PDE1C: variants seen among roughly 807,000 people sequenced by gnomAD.
The protein encoded by PDE1C is phosphodiesterase 1C, also known as dual specificity calcium/calmodulin-dependent 3',5'-cyclic nucleotide phosphodiesterase 1C.
A neutral mutation model predicts 93.1 loss-of-function variants in PDE1C; 62 were observed. The ratio of observed to expected loss-of-function variants is 0.67; its 90% CI spans 0.54 to 0.82. The LOEUF (loss-of-function observed/expected upper bound fraction) is 0.82. Ranked by LOEUF, PDE1C falls within the 40% of genes least tolerant of loss-of-function variation. PDE1C has a pLI of 0.00. For synonymous variants in PDE1C, 325 were observed against 310.1 expected (o/e 1.05, Z -0.50); for missense variants, 742 against 884.6 (o/e 0.84, Z 2.04).
chr7:32,359,499 T>C (rs1427334011), intron 1 of PDE1C, among the ~76,000 whole-genome samples: 2 of 152,218 alleles, frequency 1.3e-5, no homozygotes, highest in East Asian at 3.8e-4. Context: ...TTTGCCTGCC[T>C]TGTTGCCTCT....
At chr7:31,632,363 G>A in the PDE1C span, among the ~76,000 whole-genome samples, 1 of 152,076 alleles carries the variant, frequency 6.6e-6, no homozygotes, top group African/African-American at 2.4e-5. Flanking sequence ...CAGGAGAATC[G>A]CTTGAACCCG....
At chr7:32,394,820 AT>A (rs1477368260) in intron 1 of PDE1C, among the ~76,000 whole-genome samples, 1 of 152,142 alleles carries the variant, frequency 6.6e-6, no homozygotes, top group Non-Finnish European at 1.5e-5. Context: ...TCTGAAAAAA[AT>A]ATCTAAATAA....
chr7:31,974,694 C>T (rs1361288034), intron 2 of PDE1C, among the ~76,000 whole-genome samples: 1 of 152,130 alleles, frequency 6.6e-6, no homozygotes, highest in Non-Finnish European at 1.5e-5. Context: ...TCACCTCACT[C>T]CTAGGGTTCT....
chr7:32,391,961 A>G (rs1784758613), intron 1 of PDE1C, among the ~76,000 whole-genome samples: 1 of 152,020 alleles, frequency 6.6e-6, no homozygotes, highest in African/African-American at 2.4e-5. Context: ...AGCAGGAGGA[A>G]GGAAATAATG....
intron 2 of PDE1C, among the ~76,000 whole-genome samples, chr7:32,034,054 CTG>C (rs5883321): frequency 0.28 from 41,101 of 148,266 alleles, 6,301 homozygotes; most frequent in South Asian, 0.45. Context: ...AGATGAGAGA[CTG>C]TGTGTGTGTG....
At chr7:32,248,994 A>T (rs1463555768) in intron 1 of PDE1C, among the ~76,000 whole-genome samples, 1 of 152,048 alleles carries the variant, frequency 6.6e-6, no homozygotes, top group Non-Finnish European at 1.5e-5. Flanking sequence ...TAGAAGAGGG[A>T]CTAGACATAT....
At chr7:32,210,159 T>C (rs1291107491) in intron 1 of PDE1C, among the ~76,000 whole-genome samples, 1 of 152,242 alleles carries the variant, frequency 6.6e-6, no homozygotes, top group South Asian at 2.1e-4. Flanking sequence ...CCATATAACT[T>C]ATCATTGGAT....
rs73306649 is a variant in PDE1C, at chr7:32,255,146, C to T, written c.85+43505G>A. 9.7e-3 allele frequency among the ~76,000 whole-genome samples: 1,482 copies of T among 152,236 alleles called. 29 individuals are homozygous for T. The highest frequency in any genetic ancestry group is 0.034 in the African/African-American group (1,423 of 41,532). On this transcript the variant is annotated intron_variant, in intron 1 of 18. Transcript: ENST00000396193. ...CCCAGAGGCTAGTAAGGGCCCAGCGCGTGAACCCAGGGTGGCTGACGTCAC... is the reference window on the plus strand; with the variant it reads ...CCCAGAGGCTAGTAAGGGCCCAGCGTGTGAACCCAGGGTGGCTGACGTCAC...
the PDE1C span, chr7:31,692,337 A>C: frequency 9.8e-5 from 90 of 922,538 alleles, no homozygotes; most frequent in Non-Finnish European, 1.5e-4. Context: ...AAATATATTT[A>C]CTTAGCAAAT....
intron 3 of PDE1C, among the ~76,000 whole-genome samples, chr7:32,094,815 C>T (rs1047024748): frequency 6.6e-6 from 1 of 152,162 alleles, no homozygotes; most frequent in Non-Finnish European, 1.5e-5. Context: ...CCTTGACCCC[C>T]ACCTTCTCTC....
chr7:32,120,741 G>A (rs1799254506), intron 3 of PDE1C, among the ~76,000 whole-genome samples: 2 of 152,128 alleles, frequency 1.3e-5, no homozygotes, highest in African/African-American at 4.8e-5. Flanking sequence ...CTCAAGGATT[G>A]AAACTAAACA....
chr7:32,421,604 T>G (rs1299683408), intron 1 of PDE1C, among the ~76,000 whole-genome samples: 1 of 152,204 alleles, frequency 6.6e-6, no homozygotes, highest in Non-Finnish European at 1.5e-5. Context: ...TTCCAGAGCC[T>G]CCTTCTCTGA....
rs1413172773 is a variant in PDE1C, at chr7:31,873,408, C to T, written c.493G>A (p.Asp165Asn). 1.3e-6 allele frequency: 2 copies of T among 1,587,214 alleles called. No homozygotes were observed. Among genetic ancestry groups the T allele is most frequent in the South Asian group, 1.1e-5 (1 of 90,472 alleles). ...YPPAVIEALK[D>N]VDKWSFDVFS... ...ACGTCAAAGGACCACTTGTCCACAT[C>T]CTGCAGGACAGGGTGGGGAGAAAGA... is the stretch of plus-strand genomic sequence containing the variant. The change falls in exon 6 of 18, where the codon GAT becomes AAT. Residue 165 changes from aspartate to asparagine, a missense_variant and splice_region_variant. By Grantham distance (23) the Asp-to-Asn change is conservative. Coordinates refer to ENST00000396191, the MANE Select transcript of PDE1C (RefSeq NM_001191057.4).
At chr7:31,988,044 G>C (rs1364094982) in intron 2 of PDE1C, among the ~76,000 whole-genome samples, 1 of 152,204 alleles carries the variant, frequency 6.6e-6, no homozygotes, top group African/African-American at 2.4e-5. Context: ...GGTAGATGAG[G>C]CACTTGTGGA....
chr7:31,870,157 A>C (rs577570132), intron 6 of PDE1C, among the ~76,000 whole-genome samples: 1 of 152,136 alleles, frequency 6.6e-6, no homozygotes, highest in South Asian at 2.1e-4. Flanking sequence ...AAAGTAGAAA[A>C]ATTCCAAATA....
At chr7:32,141,344 T>C (rs1159032878) in intron 3 of PDE1C, among the ~76,000 whole-genome samples, 1 of 151,960 alleles carries the variant, frequency 6.6e-6, no homozygotes, top group Non-Finnish European at 1.5e-5. Context: ...TCCCCATTTC[T>C]AAAAAAAGAA....
chr7:31,762,553 T>C (rs1420915852), intron 17 of PDE1C, among the ~76,000 whole-genome samples: 1 of 152,026 alleles, frequency 6.6e-6, no homozygotes, highest in Admixed American at 6.6e-5. Context: ...GTGGCCAGAG[T>C]GGTCTCGAAC....
chr7:32,257,374 T>C (rs2128878745), intron 1 of PDE1C, among the ~76,000 whole-genome samples: 2 of 152,272 alleles, frequency 1.3e-5, no homozygotes, highest in Middle Eastern at 3.4e-3. Flanking sequence ...GAAGACTAAC[T>C]GATGTTTAAA....
chr7:31,879,959 C>G (rs1199595627), intron 3 of PDE1C, among the ~76,000 whole-genome samples: 1 of 151,494 alleles, frequency 6.6e-6, no homozygotes, highest in Non-Finnish European at 1.5e-5. Flanking sequence ...GCGGAGGAAA[C>G]ATAACATTTG....
Sources: gnomAD v4.1 joint callset for allele counts (sites outside exome capture counted in the v4.1 genomes callset) on GRCh38, gnomAD v4.1.1 for gene constraint, MANE v1.5 for transcripts, NCBI Gene and HGNC (gene_info 2026-07-23, HGNC 2026-07-21) for gene names.